The following SHROOM3 variants were observed in gnomAD, a reference collection of about 807,000 sequenced individuals.
SHROOM3 encodes the protein shroom family member 3, also known as protein Shroom3.
Under a neutral mutation model 138.6 loss-of-function variants are expected in SHROOM3, and 47 were observed. That is an observed-to-expected ratio of 0.34 (90% CI 0.27 to 0.43). The LOEUF (loss-of-function observed/expected upper bound fraction) is 0.43, where lower values mean the gene tolerates loss of function less well. SHROOM3 is among the 20% of genes least tolerant of loss of function. SHROOM3 has a pLI of 1.00. For synonymous variants in SHROOM3, 1,062 were observed against 1,063.3 expected, an observed-to-expected ratio of 1.00 and a Z score of 0.02; for missense variants, 2,491 against 2,596.5, an observed-to-expected ratio of 0.96 and a Z score of 0.88.
chr4:76,733,950 T>G (rs1271104309), intron 4 of SHROOM3, among the ~76,000 whole-genome samples: 1 of 152,164 alleles, frequency 6.6e-6, no homozygotes, highest in East Asian at 1.9e-4. Context: ...CTTGACACTC[T>G]GTTTTTGCTG....
At chr4:76,685,020 A>C (rs1054341057) in intron 2 of SHROOM3, among the ~76,000 whole-genome samples, 1 of 152,228 alleles carries the variant, frequency 6.6e-6, no homozygotes, top group Non-Finnish European at 1.5e-5. Flanking sequence ...AATATTTATT[A>C]AAGTGAATAT....
intron 3 of SHROOM3, among the ~76,000 whole-genome samples, chr4:76,723,388 G>A (rs530701566): frequency 2.0e-5 from 3 of 152,026 alleles, no homozygotes; most frequent in Admixed American, 2.0e-4. Context: ...TTTTCCTTTG[G>A]AGCTATATAT....
intron 1 of SHROOM3, among the ~76,000 whole-genome samples, chr4:76,527,413 T>C (rs972791376): frequency 1.3e-5 from 2 of 152,234 alleles, no homozygotes; most frequent in African/African-American, 4.8e-5. Context: ...TGAAACCCCG[T>C]CTCTACTAAA....
intron 2 of SHROOM3, among the ~76,000 whole-genome samples, chr4:76,579,960 G>T (rs1734016460): frequency 6.6e-6 from 1 of 152,202 alleles, no homozygotes; most frequent in South Asian, 2.1e-4. Context: ...CGCATCATGT[G>T]CTGACTGCTT....
intron 2 of SHROOM3, among the ~76,000 whole-genome samples, chr4:76,626,732 T>C (rs910501279): frequency 6.6e-6 from 1 of 152,222 alleles, no homozygotes; most frequent in African/African-American, 2.4e-5. Flanking sequence ...TGAAACACCT[T>C]GGCCAAGATC....
chr4:76,460,098 G>T (rs1320748081), intron 1 of SHROOM3, among the ~76,000 whole-genome samples: 1 of 152,186 alleles, frequency 6.6e-6, no homozygotes, highest in African/African-American at 2.4e-5. Flanking sequence ...GATTATGTGT[G>T]TGTGAACTTC....
At chr4:76,654,124 T>C (rs996105091) in intron 2 of SHROOM3, among the ~76,000 whole-genome samples, 1 of 152,164 alleles carries the variant, frequency 6.6e-6, no homozygotes, top group Admixed American at 6.5e-5. Context: ...TCGAGTTGTC[T>C]GGCCTGAACT....
chr4:76,725,599 C>T (rs1461602253), intron 3 of SHROOM3, among the ~76,000 whole-genome samples: 1 of 152,186 alleles, frequency 6.6e-6, no homozygotes, highest in African/African-American at 2.4e-5. Context: ...TGTACCACAT[C>T]CCTGGAGCCC....
intron 2 of SHROOM3, among the ~76,000 whole-genome samples, chr4:76,661,378 C>T (rs925107464): frequency 5.3e-5 from 8 of 152,070 alleles, no homozygotes; most frequent in African/African-American, 1.7e-4. Flanking sequence ...TACAAGCGCC[C>T]GCCACCACGC....
At chr4:76,591,867 G>A (rs956323454) in intron 2 of SHROOM3, among the ~76,000 whole-genome samples, 1 of 152,198 alleles carries the variant, frequency 6.6e-6, no homozygotes, top group Non-Finnish European at 1.5e-5. Flanking sequence ...TGGGTTTCTA[G>A]GTACCGAGTT....
intron 2 of SHROOM3, among the ~76,000 whole-genome samples, chr4:76,667,280 A>G (rs770049563): frequency 3.3e-5 from 5 of 152,126 alleles, no homozygotes; most frequent in Non-Finnish European, 7.4e-5. Flanking sequence ...CATGTGGTTA[A>G]GATGGTTCAC....
At chr4:76,614,116 C>G (rs536490012) in intron 2 of SHROOM3, among the ~76,000 whole-genome samples, 1 of 152,020 alleles carries the variant, frequency 6.6e-6, no homozygotes, top group Non-Finnish European at 1.5e-5. Flanking sequence ...AGTGCAGTGG[C>G]GAGATCTCGG....
chr4:76,773,470 G>A (rs1405384635), intron 10 of SHROOM3, among the ~76,000 whole-genome samples: 2 of 152,090 alleles, frequency 1.3e-5, no homozygotes, highest in East Asian at 3.9e-4. Flanking sequence ...CAAAGAAGGT[G>A]TGGGAAGGAT....
chr4:76,594,591 AT>A (rs1241562426), intron 2 of SHROOM3, among the ~76,000 whole-genome samples: 1 of 152,214 alleles, frequency 6.6e-6, no homozygotes, highest in East Asian at 1.9e-4. Flanking sequence ...AGTGTCAACA[AT>A]TTCATCCCTT....
rs551772443 is a variant in SHROOM3 at position 76,734,219 on chromosome 4, A to G, written c.587+3284A>G. ...CCAAAATGTGTTCCGTGGAATAACA[A>G]TCCACTAGATACTTCTTAGAAAAAA... On this transcript the variant is annotated intron_variant, in intron 4 of 10. Coordinates refer to ENST00000296043, the MANE Select transcript of SHROOM3 (RefSeq NM_020859.4). Among the ~76,000 whole-genome samples, 11 of 152,316 alleles carry G rather than the reference A, an allele frequency of 7.2e-5. No individual in the cohort carries two copies. The East Asian group carries it at 1.7e-3, about 24-fold the overall frequency.
chr4:76,660,410 G>A (rs1015884443), intron 2 of SHROOM3, among the ~76,000 whole-genome samples: 2 of 152,120 alleles, frequency 1.3e-5, no homozygotes, highest in Admixed American at 6.5e-5. Context: ...ACCCCTAGGA[G>A]AGAGTCATCA....
chr4:76,531,388 G>A (rs1732825785), intron 1 of SHROOM3, among the ~76,000 whole-genome samples: 1 of 152,144 alleles, frequency 6.6e-6, no homozygotes, highest in Admixed American at 6.5e-5. Flanking sequence ...ACACAGCCTT[G>A]GGTTTAGCCT....
rs1721190200 is a variant in SHROOM3 at position 76,739,929 on chromosome 4, A to G, written c.1756A>G (p.Asn586Asp). 6.2e-7 allele frequency: 1 copy of G among 1,614,090 alleles called. No individual in the cohort carries two copies. Among genetic ancestry groups the G allele is most frequent in the Admixed American group, 1.7e-5 (1 of 60,012 alleles). The part of the protein sequence containing the change: ...TPPQGNSPHS[N>D]ERKSTHSNKP... ...TCCCCAAGGCAACAGCCCACATTCC[A>G]ATGAGAGAAAGAGCACCCACAGTAA... The change falls in exon 5 of 11, where the codon AAT (asparagine) becomes GAT (aspartate). Residue 586 changes from asparagine to aspartate, a missense_variant. By Grantham distance (23) the Asn-to-Asp change is conservative (BLOSUM62 1). Coordinates refer to ENST00000296043, the MANE Select transcript of SHROOM3 (RefSeq NM_020859.4).
At chr4:76,722,901 T>A (rs1184272552) in intron 3 of SHROOM3, among the ~76,000 whole-genome samples, 2 of 151,994 alleles carry the variant, frequency 1.3e-5, no homozygotes, top group Admixed American at 1.3e-4. Context: ...GATGGGTTAG[T>A]AAGGGGTTTA....
Sources: allele counts gnomAD v4.1 joint callset (sites outside exome capture counted in the v4.1 genomes callset), GRCh38; gene constraint gnomAD v4.1.1; transcripts MANE v1.5; gene names NCBI Gene and HGNC (gene_info 2026-07-23, HGNC 2026-07-21).